Variants in PCDH10 observed in about 807,000 individuals in gnomAD.
PCDH10 encodes the protein protocadherin 10.
Under a neutral mutation model 74.4 loss-of-function variants are expected in PCDH10, and 15 were observed. That is an observed-to-expected ratio of 0.20 (90% confidence interval 0.13 to 0.31). The LOEUF is 0.31. Among genes scored for constraint, PCDH10 ranks in the 10% least tolerant of loss-of-function variants. PCDH10 has a pLI of 1.00. For synonymous variants in PCDH10, 619 were observed against 589.8 expected, an observed-to-expected ratio of 1.05 and a Z score of -0.72; for missense variants, 1,260 against 1,390.2, an observed-to-expected ratio of 0.91 and a Z score of 1.49.
At chr4:133,206,685 T>C (rs1323923370) in intron 2 of PCDH10, among the ~76,000 whole-genome samples, 1 of 152,234 alleles carries the variant, frequency 6.6e-6, no homozygotes, top group Non-Finnish European at 1.5e-5. Flanking sequence ...TTGTAGCTTT[T>C]TCATTAATTT....
chr4:133,187,052 C>T (rs1401096783), intron 4 of PCDH10, among the ~76,000 whole-genome samples: 1 of 151,988 alleles, frequency 6.6e-6, no homozygotes, highest in Non-Finnish European at 1.5e-5. Flanking sequence ...AAACTCAACC[C>T]GTAGAAGGTT....
chr4:133,177,133 G>A (rs1727311715), intron 4 of PCDH10, among the ~76,000 whole-genome samples: 3 of 151,942 alleles, frequency 2.0e-5, no homozygotes, highest in African/African-American at 4.8e-5. Flanking sequence ...ATAGATGCCC[G>A]AAAATGATCA....
At chr4:133,184,794 ATTT>A (rs1727507104) in intron 4 of PCDH10, among the ~76,000 whole-genome samples, 1 of 137,686 alleles carries the variant, frequency 7.3e-6, no homozygotes, top group Non-Finnish European at 1.5e-5. Context: ...AAATATATAT[ATTT>A]ATATATATAT....
chr4:133,203,558 C>A (rs747320790), intron 2 of PCDH10, among the ~76,000 whole-genome samples: 1 of 152,128 alleles, frequency 6.6e-6, no homozygotes, highest in Non-Finnish European at 1.5e-5. Flanking sequence ...GAGAAACAGA[C>A]AACATTTTGG....
At chr4:133,154,863 T>G (rs1484767047) in intron 2 of PCDH10, 54 bp from the exon 3 acceptor site, 30 of 1,231,978 alleles carry the variant, frequency 2.4e-5, no homozygotes, top group Non-Finnish European at 3.6e-5. Flanking sequence ...AGAAGAATGT[T>G]TTCTGTGTTT....
At position 133,151,111 on chromosome 4, in the gene PCDH10, A is replaced by G. The variant is rs757623259; in HGVS notation, c.971A>G (p.Tyr324Cys). 6.2e-7 allele frequency: 1 copy of G among 1,614,126 alleles called. No individual in the cohort carries two copies. The highest frequency in any genetic ancestry group is 1.1e-5 in the South Asian group (1 of 91,088). Residue 324 changes from tyrosine to cysteine, a missense_variant, in exon 1 of 5, where the codon TAC becomes TGC. Physicochemically the swap from Tyr to Cys is radical, Grantham distance 194. This residue lies in a region of PCDH10 where 192 missense variants were observed against 161.2 expected (regional missense o/e 1.19). Coordinates refer to ENST00000264360, the MANE Select transcript of PCDH10 (RefSeq NM_032961.3). ...GELDYEESPV[Y>C]QVYVQAKDLG... is the part of the protein sequence containing the mutation. Reference sequence around the variant, plus strand: ...TTGGACTATGAAGAGAGCCCAGTGTACCAAGTGTACGTGCAAGCCAAGGAC... The same window carrying G: ...TTGGACTATGAAGAGAGCCCAGTGTGCCAAGTGTACGTGCAAGCCAAGGAC...
intron 2 of PCDH10, among the ~76,000 whole-genome samples, chr4:133,204,050 C>A (rs1432244297): frequency 6.6e-6 from 1 of 152,058 alleles, no homozygotes; most frequent in African/African-American, 2.4e-5. Context: ...TGCTCCTAAA[C>A]TCTCTCTCAT....
At chr4:133,201,821 A>T (rs1347441591) in intron 2 of PCDH10, among the ~76,000 whole-genome samples, 1 of 132,412 alleles carries the variant, frequency 7.6e-6, no homozygotes, top group Non-Finnish European at 1.5e-5. Flanking sequence ...ATGCCATTGC[A>T]CTCCAGCCTG....
At chr4:133,203,260 C>A (rs144478854) in intron 2 of PCDH10, among the ~76,000 whole-genome samples, 1 of 152,254 alleles carries the variant, frequency 6.6e-6, no homozygotes, top group Non-Finnish European at 1.5e-5. Flanking sequence ...AATTTTATAT[C>A]TTTATTTCAA....
intron 1 of PCDH10, 55 bp from the exon 2 acceptor site, chr4:133,154,252 T>C: frequency 9.3e-7 from 1 of 1,073,980 alleles, no homozygotes; most frequent in South Asian, 1.3e-5. Flanking sequence ...AAAAGTAGAC[T>C]GCTAGTTCAA....
In PCDH10 at chr4:133,173,855, G is replaced by A. The variant is rs890238852; in HGVS notation, c.3103+10573G>A. ...GAGATGCATAGAGTATAAATGCTGA[G>A]TATGAAAATGTCAAATATATACACA... On this transcript the variant is annotated intron_variant, in intron 4 of 4. Coordinates refer to ENST00000264360, the MANE Select transcript of PCDH10 (RefSeq NM_032961.3). Among the ~76,000 whole-genome samples, 5 of 151,830 alleles carry A rather than the reference G, an allele frequency of 3.3e-5. No individual in the cohort carries two copies. The South Asian group carries it at 1.0e-3, about 31-fold the overall frequency.
rs187302357 is a variant in PCDH10, at chr4:133,151,640, C to T, written c.1500C>T (p.Tyr500=). 5.0e-6 allele frequency: 8 copies of T among 1,613,850 alleles called. No homozygotes were observed. The Admixed American group carries it at 1.0e-4, about 20-fold the overall frequency. Reference sequence around the variant, plus strand: ...AGGGCGCCAACGCCCAGCTTGCCTACTCTATCCTCGAGTGCCAGATCCAGG... The same window carrying T: ...AGGGCGCCAACGCCCAGCTTGCCTATTCTATCCTCGAGTGCCAGATCCAGG... ...RDEGANAQLA[Y]SILECQIQGM... The change falls in exon 1 of 5, where the codon TAC becomes TAT. Residue 500 remains tyrosine, a synonymous_variant. Coordinates refer to ENST00000264360, the MANE Select transcript of PCDH10 (RefSeq NM_032961.3).
In PCDH10 at chr4:133,180,037, C is replaced by A. The variant is rs923943522; in HGVS notation, c.3104-10104C>A. ...AATAATCTCCACTCTATTTTATCTT[C>A]TTTCAAATTTTCATAATTTTCTGTT... is the stretch of plus-strand genomic sequence containing the variant. On this transcript the variant is annotated intron_variant, in intron 4 of 4. Coordinates refer to ENST00000264360, the MANE Select transcript of PCDH10 (RefSeq NM_032961.3). Among the ~76,000 whole-genome samples, 53 of 152,004 alleles carry A rather than the reference C, an allele frequency of 3.5e-4. 1 individual carries two copies. Among genetic ancestry groups the A allele is most frequent in the African/African-American group, 1.2e-3 (50 of 41,494 alleles).
intron 4 of PCDH10, among the ~76,000 whole-genome samples, chr4:133,189,650 C>T (rs186838343): frequency 2.0e-5 from 3 of 152,076 alleles, no homozygotes. Flanking sequence ...TGTGAGTCAT[C>T]TTTAAATTAT....
chr4:133,169,507 T>C (rs927350363), intron 4 of PCDH10, among the ~76,000 whole-genome samples: 1 of 151,894 alleles, frequency 6.6e-6, no homozygotes, highest in Admixed American at 6.6e-5. Flanking sequence ...TTAACATTAT[T>C]TATATACCTC....
chr4:133,181,076 G>T (rs1727404835), intron 4 of PCDH10, among the ~76,000 whole-genome samples: 1 of 151,482 alleles, frequency 6.6e-6, no homozygotes, highest in Non-Finnish European at 1.5e-5. Flanking sequence ...CTTCATTTTA[G>T]GATAGGCAAT....
rs546430185 is a variant in PCDH10 at position 133,151,038 on chromosome 4, C to A, written c.898C>A (p.Leu300Ile). ...CCACATTTCGCCCCGGGCGCGGGAGCTTTTCGGACTCTCGCCGCGCACTGG... is the reference window on the plus strand; with the variant it reads ...CCACATTTCGCCCCGGGCGCGGGAGATTTTCGGACTCTCGCCGCGCACTGG... ...SSHISPRARE[L>I]FGLSPRTGRL... Residue 300 changes from leucine (L) to isoleucine (I), a missense_variant, in exon 1 of 5, where the codon CTT becomes ATT. Physicochemically the swap from Leu to Ile is conservative, Grantham distance 5. Coordinates refer to ENST00000264360, the MANE Select transcript of PCDH10 (RefSeq NM_032961.3). 5 of 1,613,920 alleles carry A rather than the reference C, an allele frequency of 3.1e-6. No homozygotes were observed. The highest frequency in any genetic ancestry group is 1.7e-5 in the Admixed American group (1 of 60,028).
chr4:133,182,277 T>C (rs189683639), intron 4 of PCDH10, among the ~76,000 whole-genome samples: 1 of 152,194 alleles, frequency 6.6e-6, no homozygotes, highest in East Asian at 1.9e-4. Flanking sequence ...GGTGCTAATA[T>C]AGTCTTCTTA....
At chr4:133,170,439 T>C (rs1003777340) in intron 4 of PCDH10, among the ~76,000 whole-genome samples, 3 of 152,188 alleles carry the variant, frequency 2.0e-5, no homozygotes, top group African/African-American at 7.2e-5. Context: ...AAATACATTT[T>C]ATATGCTCTG....
Sources: allele counts gnomAD v4.1 joint callset (sites outside exome capture counted in the v4.1 genomes callset), GRCh38; gene constraint gnomAD v4.1.1; regional missense constraint gnomAD v4.1.1; transcripts MANE v1.5; gene names NCBI Gene and HGNC (gene_info 2026-07-23, HGNC 2026-07-21).